Variants in RALGAPA1 observed in about 807,000 individuals in gnomAD.
The protein encoded by RALGAPA1 is ral GTPase-activating protein subunit alpha-1.
RALGAPA1 carries 52 observed loss-of-function variants against 269.6 expected under a neutral mutation model. The observed-to-expected ratio is 0.19, with a 90% CI of 0.15 to 0.24. The LOEUF (loss-of-function observed/expected upper bound fraction) is 0.24. Ranked by LOEUF, RALGAPA1 falls within the 10% of genes least tolerant of loss-of-function variation. The pLI is 1.00. For synonymous variants in RALGAPA1, 817 were observed against 1,008.3 expected (o/e 0.81, Z 3.60); for missense variants, 1,917 against 3,013.9 (o/e 0.64, Z 8.52).
intron 17 of RALGAPA1, among the ~76,000 whole-genome samples, chr14:35,696,258 A>T (rs983088367): frequency 6.6e-6 from 1 of 152,074 alleles, no homozygotes; most frequent in African/African-American, 2.4e-5. Flanking sequence ...ACAAAAAAAT[A>T]AAAAAATTAG....
intron 12 of RALGAPA1, among the ~76,000 whole-genome samples, chr14:35,728,864 C>T (rs2070211303): frequency 6.6e-6 from 1 of 151,876 alleles, no homozygotes; most frequent in Non-Finnish European, 1.5e-5. Flanking sequence ...TCCCAAGTAG[C>T]TGGGATTACA....
At chr14:35,742,081 G>C (rs908836738) in intron 11 of RALGAPA1, among the ~76,000 whole-genome samples, 27 of 152,146 alleles carry the variant, frequency 1.8e-4, no homozygotes, top group African/African-American at 6.5e-4. Flanking sequence ...TAGTACCACA[G>C]TTTGAAATAT....
At chr14:35,552,372 C>T (rs1212607491) in intron 39 of RALGAPA1, among the ~76,000 whole-genome samples, 2 of 152,238 alleles carry the variant, frequency 1.3e-5, no homozygotes, top group African/African-American at 4.8e-5. Context: ...AGGTTAGACA[C>T]TTACTCCATA....
intron 1 of RALGAPA1, among the ~76,000 whole-genome samples, chr14:35,805,112 C>T (rs1008334844): frequency 2.6e-5 from 4 of 151,020 alleles, no homozygotes; most frequent in Admixed American, 1.3e-4. Flanking sequence ...ATGGTGAAAC[C>T]CCATCTCTAT....
In RALGAPA1 at chr14:35,717,064, A is replaced by C. The variant is rs549428075; in HGVS notation, c.2266+4624T>G. ...AGGCTACAAAGGTTCCTCTCTTTAG[A>C]GGGCAAATTAATTTCATATCCTACA... On this transcript the variant is annotated intron_variant, in intron 16 of 41. Coordinates refer to ENST00000680220, the MANE Select transcript of RALGAPA1 (RefSeq NM_001346249.2). 1.1e-4 allele frequency among the ~76,000 whole-genome samples: 16 copies of C among 152,344 alleles called. 1 individual carries two copies. The East Asian group carries it at 2.9e-3, about 28-fold the overall frequency.
chr14:35,708,467 C>T (rs996932051), intron 16 of RALGAPA1, among the ~76,000 whole-genome samples: 32 of 152,028 alleles, frequency 2.1e-4, no homozygotes, highest in African/African-American at 5.3e-4. Context: ...TCTCAAGAGA[C>T]GACATACAAA....
At chr14:35,561,018 A>T (rs1352164586) in intron 39 of RALGAPA1, among the ~76,000 whole-genome samples, 1 of 151,858 alleles carries the variant, frequency 6.6e-6, no homozygotes, top group Non-Finnish European at 1.5e-5. Context: ...TCACGAGGTC[A>T]GGAGTTTGAG....
chr14:35,797,520 A>T (rs2076661846), intron 1 of RALGAPA1, among the ~76,000 whole-genome samples: 1 of 151,892 alleles, frequency 6.6e-6, no homozygotes, highest in Non-Finnish European at 1.5e-5. Context: ...TGGTAGGGTG[A>T]CAATAGTTAA....
chr14:35,667,658 G>A (rs755354834), intron 26 of RALGAPA1, among the ~76,000 whole-genome samples: 1 of 152,208 alleles, frequency 6.6e-6, no homozygotes, highest in Non-Finnish European at 1.5e-5. Flanking sequence ...ACTTTGGGTA[G>A]CAAAGATCTA....
chr14:35,766,926 C>A, intron 4 of RALGAPA1: 1 of 403,498 alleles, frequency 2.5e-6, no homozygotes, highest in South Asian at 2.1e-5. Context: ...GTTGCACTCT[C>A]AAACCAAGCG....
At chr14:35,692,722 T>C (rs1197248887) in intron 17 of RALGAPA1, among the ~76,000 whole-genome samples, 1 of 151,748 alleles carries the variant, frequency 6.6e-6, no homozygotes, top group Non-Finnish European at 1.5e-5. Context: ...AAGAAGAAAA[T>C]AACACTGACA....
intron 39 of RALGAPA1, among the ~76,000 whole-genome samples, chr14:35,565,859 C>T (rs2056654266): frequency 6.6e-6 from 1 of 151,844 alleles, no homozygotes; most frequent in South Asian, 2.1e-4. Context: ...GAAATAATTG[C>T]TTTAAAATTT....
At chr14:35,694,708 T>C (rs2066761803) in intron 17 of RALGAPA1, among the ~76,000 whole-genome samples, 1 of 152,192 alleles carries the variant, frequency 6.6e-6, no homozygotes, top group African/African-American at 2.4e-5. Flanking sequence ...AAAAGTATAG[T>C]GTTTTGCTTA....
Position 35,654,623 on chromosome 14 carries a change from A to T in RALGAPA1, c.5497-146T>A. The T allele has an allele frequency of 4.0e-6, 4 of 1,005,434 alleles. No individual in the cohort carries two copies. In the South Asian group the frequency reaches 9.3e-5, roughly 23 times the overall value. The allele number at this position is 1,005,434 out of a possible 1,614,324, so 62.3% of individuals were successfully genotyped here. A position where few individuals can be genotyped will look rare whatever the true frequency, so the allele number is the denominator to read the frequency against. ...GATTAAGATAAATCTCTAGCTGCAA[A>T]ATAAAAAAAATCACAACACATTCCA... On this transcript the variant is annotated intron_variant, in intron 29 of 41. Transcript: ENST00000680220.
At chr14:35,797,351 C>CAAA (rs530576211) in intron 1 of RALGAPA1, among the ~76,000 whole-genome samples, 17 of 60,130 alleles carry the variant, frequency 2.8e-4, no homozygotes, top group Admixed American at 3.7e-4. Flanking sequence ...GACTCCGTCT[C>CAAA]AAAAAAAAAA....
intron 33 of RALGAPA1, among the ~76,000 whole-genome samples, chr14:35,632,730 CT>C (rs1371233323): frequency 4.6e-5 from 7 of 152,104 alleles, no homozygotes; most frequent in African/African-American, 1.7e-4. Flanking sequence ...ACAGCCACTC[CT>C]GACAATAGTT....
intron 38 of RALGAPA1, 112 bp from the exon 39 acceptor site, chr14:35,570,856 C>G: frequency 1.0e-6 from 1 of 981,914 alleles, no homozygotes; most frequent in East Asian, 2.8e-5. Flanking sequence ...TTTAGTTCTT[C>G]CTTCAGTAAA....
chr14:35,689,224 G>T lies in RALGAPA1; in HGVS notation c.3187C>A (p.Leu1063Met). The change falls in exon 18 of 42, where the codon CTG (leucine) becomes ATG (methionine). Residue 1063 changes from leucine to methionine, a missense_variant. Leu to Met is a conservative substitution (Grantham distance 15, BLOSUM62 2). Around this residue, in one of 11 missense-constraint regions of RALGAPA1, gnomAD observed 615 missense variants for 790.0 expected, o/e 0.78. Transcript: ENST00000680220. ...AATTCTGTGGCTGCTTGTCTGTACA[G>T]ATGTTTCCTTTTTTCTTTATCACAA... ...SPCDKEKRKH[L>M]YRQAATELDA... 8.1e-7 allele frequency: 1 copy of T among 1,232,524 alleles called. No homozygotes were observed. 76.3% of individuals were successfully genotyped at this position (1,232,524 alleles called of 1,614,324 possible).
intron 3 of RALGAPA1, 45 bp from the exon 4 acceptor site, chr14:35,771,044 G>C (rs1323024689): frequency 8.5e-6 from 7 of 825,596 alleles, no homozygotes. Context: ...ATAAAACCAA[G>C]TAATGAGTTC....
Sources: gnomAD v4.1 joint callset for allele counts (sites outside exome capture counted in the v4.1 genomes callset) on GRCh38, gnomAD v4.1.1 for gene constraint, gnomAD v4.1.1 regional missense constraint, MANE v1.5 for transcripts, NCBI Gene and HGNC (gene_info 2026-07-23, HGNC 2026-07-21) for gene names.